The following UBTD1 variants were observed in gnomAD, a reference collection of about 807,000 sequenced individuals.
The protein encoded by UBTD1 is ubiquitin domain-containing protein 1.
Under a neutral mutation model 21.7 loss-of-function variants are expected in UBTD1, and 19 were observed. That is an observed-to-expected ratio of 0.87 (90% confidence interval 0.61 to 1.28). The LOEUF is 1.28. UBTD1 is among the 50% of genes most tolerant of loss of function. The pLI, the probability that UBTD1 is intolerant of heterozygous loss-of-function variation, is 0.00. For synonymous variants in UBTD1, 116 were observed against 135.1 expected (o/e 0.86, Z 0.98); for missense variants, 282 against 315.1 (o/e 0.89, Z 0.80).
chr10:97,512,048 T>C (rs1314420204), intron 1 of UBTD1, among the ~76,000 whole-genome samples: 1 of 152,202 alleles, frequency 6.6e-6, no homozygotes, highest in African/African-American at 2.4e-5. Flanking sequence ...ACATCGGCCT[T>C]ATCCCAGCTA....
intron 1 of UBTD1, among the ~76,000 whole-genome samples, chr10:97,561,318 C>A (rs1400954516): frequency 1.3e-5 from 2 of 152,066 alleles, no homozygotes; most frequent in African/African-American, 4.8e-5. Flanking sequence ...GGTCAGGGAA[C>A]CAAGAAATGT....
chr10:97,562,719 T>A (rs2040698607), intron 1 of UBTD1, among the ~76,000 whole-genome samples: 1 of 152,210 alleles, frequency 6.6e-6, no homozygotes, highest in African/African-American at 2.4e-5. Context: ...TGGTGGAATG[T>A]CATCAGTTAA....
intron 1 of UBTD1, among the ~76,000 whole-genome samples, chr10:97,543,423 G>A (rs1187657645): frequency 6.6e-6 from 1 of 152,228 alleles, no homozygotes; most frequent in African/African-American, 2.4e-5. Context: ...GTGGTCCTGA[G>A]CCATGCCACA....
chr10:97,518,606 C>T (rs538203814), intron 1 of UBTD1, among the ~76,000 whole-genome samples: 8 of 152,344 alleles, frequency 5.3e-5, no homozygotes, highest in East Asian at 1.9e-4. Flanking sequence ...CCTGCCTGCT[C>T]GTTTCCAATC....
intron 1 of UBTD1, among the ~76,000 whole-genome samples, chr10:97,565,284 C>T (rs140942148): frequency 1.1e-3 from 161 of 152,308 alleles, no homozygotes; most frequent in African/African-American, 3.8e-3. Flanking sequence ...ACAACTTCTC[C>T]CACCTGATTC....
intron 1 of UBTD1, among the ~76,000 whole-genome samples, chr10:97,554,248 T>TTG (rs1554867736): frequency 1.5e-4 from 2 of 13,598 alleles, no homozygotes; most frequent in African/African-American, 2.2e-4. Context: ...TTTGTTTTCG[T>TTG]TTTTTTTTTT....
At chr10:97,546,726 C>T (rs1348707008) in intron 1 of UBTD1, among the ~76,000 whole-genome samples, 1 of 152,128 alleles carries the variant, frequency 6.6e-6, no homozygotes, top group African/African-American at 2.4e-5. Flanking sequence ...GGTAGCTCCT[C>T]CCGCCTTGCT....
Position 97,499,215 on chromosome 10 carries a change from C to A in UBTD1, c.12C>A (p.Cys4Ter). The change falls in exon 1 of 3, where the codon TGC (cysteine) becomes TGA (stop). Residue 4 changes from cysteine to a stop codon, truncating the protein, a stop_gained. Transcript: ENST00000370664. LOFTEE classifies it high-confidence loss of function. ...GCTGAGGAGCCAGCATGGGCAACTGCGTGGGGAGACAGCGCCGGGAGAGGC... is the reference window on the plus strand; with the variant it reads ...GCTGAGGAGCCAGCATGGGCAACTGAGTGGGGAGACAGCGCCGGGAGAGGC... MGN[C>*]VGRQRRERPA... is the part of the protein sequence containing the mutation. The A allele has an allele frequency of 6.5e-7, 1 of 1,547,196 alleles. No individual in the cohort carries two copies. The highest frequency in any genetic ancestry group is 8.7e-7 in the Non-Finnish European group (1 of 1,145,406).
intron 1 of UBTD1, among the ~76,000 whole-genome samples, chr10:97,519,429 C>T (rs948106555): frequency 9.2e-5 from 14 of 152,192 alleles, no homozygotes; most frequent in Non-Finnish European, 1.6e-4. Context: ...ATCATGTTCC[C>T]TTCTCTCCTG....
intron 1 of UBTD1, among the ~76,000 whole-genome samples, chr10:97,557,222 C>T (rs2040668593): frequency 6.6e-6 from 1 of 152,188 alleles, no homozygotes; most frequent in African/African-American, 2.4e-5. Context: ...ATCTCAAGTA[C>T]TGGCACATTT....
rs529301141 is a variant in UBTD1 at position 97,501,522 on chromosome 10, C to T, written c.70+2249C>T. ...GGGAGATTGCTTGAACTGGAAGTTT[C>T]GCAGAGGTTGTAGTGAGCTGAGATT... On this transcript the variant is annotated intron_variant, in intron 1 of 2. Coordinates refer to ENST00000370664, the MANE Select transcript of UBTD1 (RefSeq NM_024954.5). 3.9e-5 allele frequency among the ~76,000 whole-genome samples: 6 copies of T among 152,212 alleles called. No individual in the cohort carries two copies. The East Asian group carries it at 5.8e-4, about 15-fold the overall frequency.
At chr10:97,538,240 T>C (rs905291370) in intron 1 of UBTD1, among the ~76,000 whole-genome samples, 5 of 152,094 alleles carry the variant, frequency 3.3e-5, no homozygotes, top group East Asian at 3.9e-4. Flanking sequence ...ACCTGTAATC[T>C]CTGTACTTTG....
chr10:97,561,364 C>T (rs1589883744), intron 1 of UBTD1, among the ~76,000 whole-genome samples: 1 of 152,016 alleles, frequency 6.6e-6, no homozygotes, highest in African/African-American at 2.4e-5. Context: ...TCTCAGACAC[C>T]GAGTTGTAGA....
intron 1 of UBTD1, among the ~76,000 whole-genome samples, chr10:97,549,896 A>C (rs927729411): frequency 1.3e-5 from 2 of 152,176 alleles, no homozygotes; most frequent in Non-Finnish European, 2.9e-5. Context: ...TGAAGGGATT[A>C]CCTGGGCACC....
At chr10:97,504,854 C>T (rs556987737) in intron 1 of UBTD1, among the ~76,000 whole-genome samples, 2 of 152,322 alleles carry the variant, frequency 1.3e-5, no homozygotes, top group East Asian at 1.9e-4. Flanking sequence ...ACTGGCTTCT[C>T]TCTTGCCCCA....
intron 1 of UBTD1, among the ~76,000 whole-genome samples, chr10:97,515,940 G>A (rs899846879): frequency 5.3e-5 from 8 of 152,216 alleles, no homozygotes; most frequent in African/African-American, 1.9e-4. Context: ...CCACAAAGCC[G>A]GGTGCTCCTC....
intron 1 of UBTD1, among the ~76,000 whole-genome samples, chr10:97,545,204 G>A (rs2040603231): frequency 2.0e-5 from 3 of 151,958 alleles, no homozygotes; most frequent in Admixed American, 2.0e-4. Flanking sequence ...ACCTGGGCAT[G>A]GTGGTAGGCG....
intron 1 of UBTD1, among the ~76,000 whole-genome samples, chr10:97,543,548 G>A (rs561439300): frequency 8.2e-4 from 125 of 152,342 alleles, no homozygotes; most frequent in Admixed American, 2.8e-3. Context: ...TGGCATTTCT[G>A]TAAGGCAGAC....
chr10:97,523,215 A>G (rs1007071824), intron 1 of UBTD1, among the ~76,000 whole-genome samples: 1 of 152,134 alleles, frequency 6.6e-6, no homozygotes, highest in Non-Finnish European at 1.5e-5. Flanking sequence ...GGGAAGTGAC[A>G]TCTTACCCCA....
Sources: gnomAD v4.1 joint callset for allele counts (sites outside exome capture counted in the v4.1 genomes callset) on GRCh38, gnomAD v4.1.1 for gene constraint, MANE v1.5 for transcripts, NCBI Gene and HGNC (gene_info 2026-07-23, HGNC 2026-07-21) for gene names.